The following DLGAP2 variants were observed in gnomAD, a reference collection of about 807,000 sequenced individuals.
DLGAP2 encodes disks large-associated protein 2.
In DLGAP2, 26 loss-of-function variants were observed where a neutral mutation model predicts 100.3. That is an observed-to-expected ratio of 0.26 (90% confidence interval 0.19 to 0.36). The LOEUF (loss-of-function observed/expected upper bound fraction) is 0.36. Among genes scored for constraint, DLGAP2 ranks in the 10% least tolerant of loss-of-function variants. The probability of loss-of-function intolerance (pLI) is 1.00; values close to 1 mark genes in which losing one functional copy is unlikely to be tolerated. For synonymous variants in DLGAP2, 886 were observed against 630.1 expected (o/e 1.41, Z -6.08); for missense variants, 1,858 against 1,453.2 (o/e 1.28, Z -4.53).
At chr8:815,397 A>G (rs1195299012) in intron 1 of DLGAP2, among the ~76,000 whole-genome samples, 1 of 152,242 alleles carries the variant, frequency 6.6e-6, no homozygotes, top group Non-Finnish European at 1.5e-5. Flanking sequence ...AAGTTTCAGC[A>G]TGTGAATTTT....
intron 3 of DLGAP2, among the ~76,000 whole-genome samples, chr8:1,303,062 G>A (rs1391911055): frequency 6.6e-6 from 1 of 152,198 alleles, no homozygotes; most frequent in Non-Finnish European, 1.5e-5. Context: ...CCACCTCGCA[G>A]GGGAGCGAGC....
intron 3 of DLGAP2, among the ~76,000 whole-genome samples, chr8:1,308,699 A>G (rs140680068): frequency 3.9e-4 from 60 of 152,188 alleles, no homozygotes; most frequent in African/African-American, 1.3e-3. Context: ...CTAATTTTGC[A>G]TTTTTAATAG....
chr8:1,539,168 G>A (rs533498948), intron 4 of DLGAP2, among the ~76,000 whole-genome samples: 7 of 152,246 alleles, frequency 4.6e-5, no homozygotes, highest in African/African-American at 1.7e-4. Context: ...TTCCAGGCAT[G>A]AGCCACGGCA....
At chr8:1,146,602 T>C (rs183709419) in intron 2 of DLGAP2, among the ~76,000 whole-genome samples, 1 of 152,194 alleles carries the variant, frequency 6.6e-6, no homozygotes, top group Admixed American at 6.5e-5. Flanking sequence ...CACCTGCGCA[T>C]GTGTGTGCAT....
chr8:1,366,471 G>A (rs1048097329), intron 3 of DLGAP2, among the ~76,000 whole-genome samples: 2 of 152,202 alleles, frequency 1.3e-5, no homozygotes, highest in African/African-American at 4.8e-5. Flanking sequence ...GAAGTGGGGG[G>A]CAGCCCAGGA....
chr8:1,446,076 G>T (rs1458369229), intron 3 of DLGAP2, among the ~76,000 whole-genome samples: 4 of 151,902 alleles, frequency 2.6e-5, no homozygotes, highest in African/African-American at 7.3e-5. Flanking sequence ...CTTTTGCTGT[G>T]CAGAAGCTCT....
Position 1,245,400 on chromosome 8 carries a change from A to G in DLGAP2, c.74-13451A>G, listed in dbSNP as rs79686536. ...TGCTGTGGTCCATCCATGCAATGGA[A>G]TCTTCTCTAGCAATAAAGGAATGGA... On this transcript the variant is annotated intron_variant, in intron 2 of 14. Coordinates refer to ENST00000637795, the MANE Select transcript of DLGAP2 (RefSeq NM_001346810.2). 5.9e-3 allele frequency among the ~76,000 whole-genome samples: 893 copies of G among 152,334 alleles called. 8 individuals carry two copies. The highest frequency in any genetic ancestry group is 0.02 in the African/African-American group (851 of 41,578).
intron 3 of DLGAP2, among the ~76,000 whole-genome samples, chr8:1,479,888 C>T (rs778112017): frequency 2.6e-5 from 4 of 152,164 alleles, no homozygotes; most frequent in East Asian, 1.9e-4. Flanking sequence ...TTATTTACCC[C>T]GGTGGGATTC....
At chr8:743,666 C>T (rs1180393769) in intron 1 of DLGAP2, among the ~76,000 whole-genome samples, 8 of 152,300 alleles carry the variant, frequency 5.3e-5, no homozygotes, top group Admixed American at 1.3e-4. Flanking sequence ...TGGGCTCAAG[C>T]GATCTTCCCA....
intron 3 of DLGAP2, among the ~76,000 whole-genome samples, chr8:1,439,993 C>A (rs962902812): frequency 6.6e-6 from 1 of 152,122 alleles, no homozygotes; most frequent in African/African-American, 2.4e-5. Flanking sequence ...GTCACCAGAG[C>A]CACACTCTAG....
chr8:1,461,083 G>A (rs1451550753), intron 3 of DLGAP2, among the ~76,000 whole-genome samples: 1 of 151,560 alleles, frequency 6.6e-6, no homozygotes, highest in Non-Finnish European at 1.5e-5. Context: ...ATTTGGGTTG[G>A]GAGAAGGTGC....
At chr8:745,977 C>T (rs1238458618) in intron 1 of DLGAP2, among the ~76,000 whole-genome samples, 1 of 152,252 alleles carries the variant, frequency 6.6e-6, no homozygotes, top group African/African-American at 2.4e-5. Context: ...CCGCACCACC[C>T]CTCACGGCCT....
At chr8:806,859 C>T (rs11775038) in intron 1 of DLGAP2, among the ~76,000 whole-genome samples, 37,754 of 152,092 alleles carry the variant, frequency 0.25, 5,828 homozygotes, top group African/African-American at 0.44. Context: ...ATTAAATTAT[C>T]ACCGATACAA....
rs138875885 is a variant in DLGAP2, at chr8:790,456, A to T, written c.18+52631A>T. Reference sequence around the variant, plus strand: ...TTTCTCATACTTTGCTGTGGTTTTCATCTATAGGAGTTACCTTATAAATGC... The same window carrying T: ...TTTCTCATACTTTGCTGTGGTTTTCTTCTATAGGAGTTACCTTATAAATGC... On this transcript the variant is annotated intron_variant, in intron 1 of 14. Coordinates refer to ENST00000637795, the MANE Select transcript of DLGAP2 (RefSeq NM_001346810.2). 1.2e-3 allele frequency among the ~76,000 whole-genome samples: 190 copies of T among 152,272 alleles called. 2 individuals carry two copies. Among genetic ancestry groups the T allele is most frequent in the African/African-American group, 4.5e-3 (187 of 41,562 alleles).
chr8:1,321,326 G>T (rs1053918495), intron 3 of DLGAP2, among the ~76,000 whole-genome samples: 1 of 151,568 alleles, frequency 6.6e-6, no homozygotes, highest in Non-Finnish European at 1.5e-5. Flanking sequence ...GTGTGCGTGT[G>T]TGTCTGTGTG....
chr8:1,532,033 A>G (rs1176467588), intron 4 of DLGAP2, among the ~76,000 whole-genome samples: 1 of 152,212 alleles, frequency 6.6e-6, no homozygotes, highest in Non-Finnish European at 1.5e-5. Context: ...GTTCCAGGTC[A>G]TAGGAAGGTG....
At chr8:1,667,879 G>C (rs1372923799) in intron 8 of DLGAP2, among the ~76,000 whole-genome samples, 1 of 151,784 alleles carries the variant, frequency 6.6e-6, no homozygotes, top group Non-Finnish European at 1.5e-5. Context: ...GGGTTTGCTG[G>C]TATTTTTAAA....
At chr8:741,512 G>A (rs917338545) in intron 1 of DLGAP2, among the ~76,000 whole-genome samples, 11 of 152,146 alleles carry the variant, frequency 7.2e-5, no homozygotes, top group African/African-American at 2.2e-4. Flanking sequence ...CTGACATCCC[G>A]GTGATGGGTG....
intron 1 of DLGAP2, 198 bp downstream of exon 1, chr8:738,023 G>C (rs949098759): frequency 8.0e-5 from 25 of 312,062 alleles, no homozygotes; most frequent in Non-Finnish European, 1.2e-4. Context: ...GGGGTCGCGC[G>C]TTGCGCTCCT....
Sources: gnomAD v4.1 joint callset for allele counts (sites outside exome capture counted in the v4.1 genomes callset) on GRCh38, gnomAD v4.1.1 for gene constraint, MANE v1.5 for transcripts, NCBI Gene and HGNC (gene_info 2026-07-23, HGNC 2026-07-21) for gene names.